The following EPHA6 variants were observed in gnomAD, a reference collection of about 807,000 sequenced individuals.
The protein encoded by EPHA6 is EPH receptor A6.
In EPHA6, 50 loss-of-function variants were observed where a neutral mutation model predicts 112.0. That is an observed-to-expected ratio of 0.45 (90% CI 0.36 to 0.56). EPHA6 has a LOEUF of 0.56. EPHA6 is among the 20% of genes least tolerant of loss of function. The pLI is 0.00. For missense variants in EPHA6, 1,280 were observed against 1,417.4 expected (o/e 0.90, Z 1.56); for synonymous variants, 529 against 490.7 (o/e 1.08, Z -1.03).
intron 11 of EPHA6, among the ~76,000 whole-genome samples, chr3:97,580,129 T>A (rs1164885991): frequency 6.6e-6 from 1 of 152,188 alleles, no homozygotes; most frequent in Non-Finnish European, 1.5e-5. Flanking sequence ...ATTTGTTAAA[T>A]AATACTTTGA....
intron 3 of EPHA6, among the ~76,000 whole-genome samples, chr3:96,990,780 A>T (rs758264858): frequency 4.6e-5 from 7 of 152,052 alleles, no homozygotes; most frequent in Non-Finnish European, 8.8e-5. Context: ...TGAGAATTTT[A>T]TCATTGCTTT....
In EPHA6 at chr3:97,533,124, A is replaced by C. The variant is rs184305277; in HGVS notation, c.2386+581A>C. Among the ~76,000 whole-genome samples the C allele has an allele frequency of 1.9e-3, 292 of 152,084 alleles. 3 individuals are homozygous for C. The highest frequency in any genetic ancestry group is 5.9e-3 in the African/African-American group (245 of 41,554). On this transcript the variant is annotated intron_variant, in intron 11 of 17. Transcript: ENST00000389672. ...ATGTTTTCAAAAATCCAAAATTAGC[A>C]ATATCCTCTAAGAAATAGATTGCTA...
chr3:97,438,640 A>T (rs1350797133), intron 6 of EPHA6, among the ~76,000 whole-genome samples: 1 of 152,192 alleles, frequency 6.6e-6, no homozygotes, highest in African/African-American at 2.4e-5. Context: ...AAGGTTAAAA[A>T]GCAAGTAAAC....
intron 5 of EPHA6, among the ~76,000 whole-genome samples, chr3:97,313,006 T>C (rs78927103): frequency 0.056 from 8,425 of 151,492 alleles, 679 homozygotes; most frequent in African/African-American, 0.18. Context: ...ATTACTAAGG[T>C]TTATCTTGCC....
intron 3 of EPHA6, among the ~76,000 whole-genome samples, chr3:97,050,818 A>G (rs1044629738): frequency 1.3e-5 from 2 of 152,184 alleles, no homozygotes. Context: ...AGTACTACCT[A>G]GGTAGAGAAG....
chr3:97,011,018 A>C (rs2107942021), intron 3 of EPHA6, among the ~76,000 whole-genome samples: 1 of 152,216 alleles, frequency 6.6e-6, no homozygotes, highest in African/African-American at 2.4e-5. Flanking sequence ...GTGTTAGTCA[A>C]GTGCTTGCTA....
chr3:97,085,756 G>T (rs1330556143), intron 3 of EPHA6, among the ~76,000 whole-genome samples: 1 of 151,864 alleles, frequency 6.6e-6, no homozygotes, highest in African/African-American at 2.4e-5. Flanking sequence ...GCTGAGAAAT[G>T]AAACTGAGCT....
chr3:96,954,716 A>T (rs2041685292), intron 2 of EPHA6, among the ~76,000 whole-genome samples: 1 of 150,102 alleles, frequency 6.7e-6, no homozygotes, highest in African/African-American at 2.4e-5. Flanking sequence ...CAAACAAGCT[A>T]TAACCAAATA....
intron 3 of EPHA6, among the ~76,000 whole-genome samples, chr3:97,043,812 G>A (rs1285432462): frequency 1.3e-5 from 2 of 152,110 alleles, no homozygotes; most frequent in East Asian, 1.9e-4. Flanking sequence ...AAATATATCT[G>A]TTCAGCACAC....
chr3:97,276,941 G>A (rs371353620), intron 5 of EPHA6, among the ~76,000 whole-genome samples: 116 of 152,280 alleles, frequency 7.6e-4, no homozygotes, highest in African/African-American at 2.5e-3. Flanking sequence ...ACTGTAAGCC[G>A]GACCAGGTGT....
chr3:97,312,189 TA>T lies in EPHA6; in HGVS notation c.1606+67903del, dbSNP rs1452297137. ...AATTCTAAAATGTATAAGATCCTTT[TA>T]TTTTTTCCCGTGTACACAATTATTC... On this transcript the variant is annotated intron_variant, in intron 5 of 17. Transcript: ENST00000389672. Among the ~76,000 whole-genome samples, 4 of 151,654 alleles carry T rather than the reference TA, an allele frequency of 2.6e-5. No homozygotes were observed. The East Asian group carries it at 7.7e-4, about 29-fold the overall frequency.
chr3:97,508,028 G>A (rs986768017), intron 10 of EPHA6, among the ~76,000 whole-genome samples: 12 of 152,000 alleles, frequency 7.9e-5, no homozygotes, highest in African/African-American at 2.9e-4. Flanking sequence ...TTTTTTGGGT[G>A]TGTCTATTTG....
intron 3 of EPHA6, among the ~76,000 whole-genome samples, chr3:97,127,876 T>C (rs2048226531): frequency 6.6e-6 from 1 of 152,146 alleles, no homozygotes; most frequent in Non-Finnish European, 1.5e-5. Context: ...TTTAGTTTTT[T>C]TTTTTATTTT....
At chr3:97,110,536 T>G (rs538316746) in intron 3 of EPHA6, among the ~76,000 whole-genome samples, 1 of 152,204 alleles carries the variant, frequency 6.6e-6, no homozygotes, top group African/African-American at 2.4e-5. Flanking sequence ...ATTTATTTAT[T>G]TATTTAGAGA....
chr3:97,175,971 G>A (rs1218119104), intron 3 of EPHA6, among the ~76,000 whole-genome samples: 2 of 151,756 alleles, frequency 1.3e-5, no homozygotes, highest in African/African-American at 4.8e-5. Context: ...AGGCATCCTT[G>A]CCATGTTCAA....
chr3:97,389,501 T>A (rs2086275580), intron 5 of EPHA6, among the ~76,000 whole-genome samples: 2 of 152,212 alleles, frequency 1.3e-5, no homozygotes, highest in Non-Finnish European at 2.9e-5. Context: ...TTTTCATACC[T>A]ACTATATAAT....
rs369094876 is a variant in EPHA6, at chr3:97,568,421, C to T, written c.2387-24191C>T. Among the ~76,000 whole-genome samples the T allele has an allele frequency of 2.0e-4, 30 of 152,236 alleles. No homozygotes were observed. In the East Asian group the frequency reaches 2.9e-3, roughly 15 times the overall value. ...CAAGGTTCCCCACAGATTGATGGAA[C>T]GAGTCCAAGTTCTTTGGCAGAATAT... On this transcript the variant is annotated intron_variant, in intron 11 of 17. Transcript: ENST00000389672.
At chr3:97,149,951 T>C (rs2076133736) in intron 3 of EPHA6, among the ~76,000 whole-genome samples, 1 of 151,702 alleles carries the variant, frequency 6.6e-6, no homozygotes, top group Non-Finnish European at 1.5e-5. Context: ...GCTCTATTAA[T>C]TTAACTTACT....
rs901909730 is a variant in EPHA6, at chr3:97,757,156, G to C, written c.*8455G>C. ...ACACTAAAAGGTAATACAGTACAAA[G>C]AGGAGTTTGTTTTAAAATTGTTACT... On this transcript the variant is annotated 3_prime_UTR_variant, in exon 18 of 18. Coordinates refer to ENST00000389672, the MANE Select transcript of EPHA6 (RefSeq NM_001080448.3). 6.6e-6 allele frequency among the ~76,000 whole-genome samples: 1 copy of C among 151,888 alleles called. No homozygotes were observed. Among genetic ancestry groups the C allele is most frequent in the East Asian group, 1.9e-4 (1 of 5,188 alleles).
Sources: allele counts gnomAD v4.1 joint callset (sites outside exome capture counted in the v4.1 genomes callset), GRCh38; gene constraint gnomAD v4.1.1; transcripts MANE v1.5; gene names NCBI Gene and HGNC (gene_info 2026-07-23, HGNC 2026-07-21).